The following SNTG1 variants were observed in gnomAD, a reference collection of about 807,000 sequenced individuals.
SNTG1 encodes gamma-1-syntrophin.
Under a neutral mutation model 74.7 loss-of-function variants are expected in SNTG1, and 39 were observed. That is an observed-to-expected ratio of 0.52 (90% CI 0.40 to 0.68). The LOEUF (loss-of-function observed/expected upper bound fraction) is 0.68. SNTG1 is among the 30% of genes least tolerant of loss of function. SNTG1 has a pLI of 0.00. For synonymous variants in SNTG1, 254 were observed against 217.1 expected (o/e 1.17, Z -1.49); for missense variants, 685 against 609.5 (o/e 1.12, Z -1.30).
At chr8:50,235,106 A>T (rs1486009374) in intron 2 of SNTG1, among the ~76,000 whole-genome samples, 1 of 152,164 alleles carries the variant, frequency 6.6e-6, no homozygotes, top group African/African-American at 2.4e-5. Context: ...ATATATCAAA[A>T]GGAGTTGAAA....
In SNTG1 at chr8:49,998,352, A is replaced by G. The variant is rs77252430; in HGVS notation, c.-103+86121A>G. On this transcript the variant is annotated intron_variant, in intron 1 of 18. Transcript: ENST00000642720. Reference sequence around the variant, plus strand: ...TTTATAAACACTGGACAGCCAGGCTAGACTAAGTTTATAAAACATATTTTT... The same window carrying G: ...TTTATAAACACTGGACAGCCAGGCTGGACTAAGTTTATAAAACATATTTTT... 4.2e-3 allele frequency among the ~76,000 whole-genome samples: 632 copies of G among 152,276 alleles called. 6 individuals carry two copies. The highest frequency in any genetic ancestry group is 0.014 in the African/African-American group (601 of 41,558).
intron 8 of SNTG1, among the ~76,000 whole-genome samples, chr8:50,460,236 G>A (rs2093548045): frequency 6.6e-6 from 1 of 152,164 alleles, no homozygotes. Context: ...GATGATTAGT[G>A]ATGATGGACA....
intron 1 of SNTG1, among the ~76,000 whole-genome samples, chr8:50,115,567 C>CAAAAAAAAAAAAAGAAAAAAAA (rs2080782108): frequency 4.9e-5 from 2 of 40,520 alleles, no homozygotes; most frequent in Admixed American, 3.9e-4. Context: ...GACTCTGTCT[C>CAAAAAAAAAAAAAGAAAAAAAA]AAAAAAAAAA....
At chr8:50,547,333 T>C (rs1165691571) in intron 11 of SNTG1, among the ~76,000 whole-genome samples, 1 of 152,170 alleles carries the variant, frequency 6.6e-6, no homozygotes, top group Non-Finnish European at 1.5e-5. Context: ...ACCCTCTCCA[T>C]AAGGCATGCA....
chr8:50,716,277 A>T (rs1041272009), intron 17 of SNTG1, among the ~76,000 whole-genome samples: 72 of 152,252 alleles, frequency 4.7e-4, no homozygotes, highest in Non-Finnish European at 5.7e-4. Flanking sequence ...TAAAAATATT[A>T]AAAAAATTGA....
chr8:50,030,308 C>T (rs1166666903), intron 1 of SNTG1, among the ~76,000 whole-genome samples: 1 of 151,980 alleles, frequency 6.6e-6, no homozygotes, highest in Non-Finnish European at 1.5e-5. Context: ...TGTCTCTTCA[C>T]TTTATTGTTT....
chr8:50,324,966 TATATAGAC>T (rs1461544964), intron 2 of SNTG1, among the ~76,000 whole-genome samples: 1 of 110,144 alleles, frequency 9.1e-6, no homozygotes, highest in African/African-American at 2.8e-5. Context: ...TATATATATA[TATATAGAC>T]AGAGAGAGAG....
chr8:50,375,096 G>T (rs187782999), intron 2 of SNTG1, among the ~76,000 whole-genome samples: 2 of 152,268 alleles, frequency 1.3e-5, no homozygotes, highest in Non-Finnish European at 2.9e-5. Context: ...TGCTGTTGGG[G>T]ATCTCTCCTG....
At chr8:49,951,665 G>C (rs1330681630) in intron 1 of SNTG1, among the ~76,000 whole-genome samples, 1 of 151,352 alleles carries the variant, frequency 6.6e-6, no homozygotes, top group East Asian at 1.9e-4. Context: ...GCTAGATGAC[G>C]AGTTAGTGGG....
intron 3 of SNTG1, among the ~76,000 whole-genome samples, chr8:50,396,911 T>C (rs745989337): frequency 6.6e-6 from 1 of 152,220 alleles, no homozygotes; most frequent in Admixed American, 6.5e-5. Flanking sequence ...GTGAGATTTG[T>C]TTAAAGAGTA....
chr8:50,233,718 C>T (rs2085748912), intron 2 of SNTG1, among the ~76,000 whole-genome samples: 2 of 100,484 alleles, frequency 2.0e-5, no homozygotes, highest in East Asian at 3.4e-4. Flanking sequence ...TAAAAAAACC[C>T]ACTAATTAGA....
intron 2 of SNTG1, among the ~76,000 whole-genome samples, chr8:50,205,330 A>G (rs1037644139): frequency 6.6e-6 from 1 of 152,224 alleles, no homozygotes; most frequent in Middle Eastern, 3.4e-3. Context: ...ATGATGATGA[A>G]CATTTTTTCA....
intron 2 of SNTG1, among the ~76,000 whole-genome samples, chr8:50,274,453 G>A (rs1027027227): frequency 2.0e-5 from 3 of 151,588 alleles, no homozygotes; most frequent in African/African-American, 7.3e-5. Flanking sequence ...GTCTATTATT[G>A]GGATTTTTTA....
intron 17 of SNTG1, chr8:50,747,734 C>T (rs888397343): frequency 4.6e-5 from 7 of 151,676 alleles, no homozygotes; most frequent in Admixed American, 3.3e-4. Flanking sequence ...TTCCTTCTTT[C>T]TTTCCTTCCT....
At chr8:50,407,802 G>A (rs1246553079) in intron 4 of SNTG1, among the ~76,000 whole-genome samples, 4 of 152,192 alleles carry the variant, frequency 2.6e-5, no homozygotes, top group Non-Finnish European at 5.9e-5. Context: ...AGCGTTTTAA[G>A]GATAGTTTGG....
At chr8:50,037,193 C>T (rs1439647006) in intron 1 of SNTG1, among the ~76,000 whole-genome samples, 1 of 152,180 alleles carries the variant, frequency 6.6e-6, no homozygotes, top group East Asian at 1.9e-4. Flanking sequence ...AATTAGTTGG[C>T]AGTTTTGTTA....
chr8:50,237,775 T>C (rs913254577), intron 2 of SNTG1, among the ~76,000 whole-genome samples: 2 of 152,138 alleles, frequency 1.3e-5, no homozygotes, highest in African/African-American at 4.8e-5. Flanking sequence ...TGAGTCTATA[T>C]AATATATCCT....
At position 50,387,129 on chromosome 8, in the gene SNTG1, T is replaced by TATC. The variant is rs1422112243; in HGVS notation, c.-27-7082_-27-7081insTCA. On this transcript the variant is annotated intron_variant, in intron 2 of 18. Coordinates refer to ENST00000642720, the MANE Select transcript of SNTG1 (RefSeq NM_018967.5). ...CCTCTCCGAGTTAAGCTACTCTGATTACTGCCTTGGCCCTGATTTCCATTC... is the reference window on the plus strand; with the variant it reads ...CCTCTCCGAGTTAAGCTACTCTGATTATCACTGCCTTGGCCCTGATTTCCATTC... 1.2e-4 allele frequency among the ~76,000 whole-genome samples: 18 copies of TATC among 152,302 alleles called. 1 individual carries two copies. The highest frequency in any genetic ancestry group is 4.1e-4 in the African/African-American group (17 of 41,568).
At chr8:50,049,716 A>G (rs1173662259) in intron 1 of SNTG1, among the ~76,000 whole-genome samples, 1 of 152,144 alleles carries the variant, frequency 6.6e-6, no homozygotes, top group Non-Finnish European at 1.5e-5. Context: ...GCCATAAAGT[A>G]CATCTTAACA....
Sources: allele counts gnomAD v4.1 joint callset (sites outside exome capture counted in the v4.1 genomes callset), GRCh38; gene constraint gnomAD v4.1.1; transcripts MANE v1.5; gene names NCBI Gene and HGNC (gene_info 2026-07-23, HGNC 2026-07-21).